Variants in SCN8A observed in about 807,000 individuals in gnomAD.
The protein encoded by SCN8A is sodium channel protein type 8 subunit alpha.
SCN8A carries 30 observed loss-of-function variants against 184.1 expected under a neutral mutation model. That is an observed-to-expected ratio of 0.16 (90% CI 0.12 to 0.22). The LOEUF (loss-of-function observed/expected upper bound fraction) is 0.22. Ranked by LOEUF, SCN8A falls within the 10% of genes least tolerant of loss-of-function variation. SCN8A has a pLI of 1.00. For synonymous variants in SCN8A, 852 were observed against 907.0 expected (o/e 0.94, Z 1.09); for missense variants, 1,057 against 2,498.9 (o/e 0.42, Z 12.30).
chr12:51,640,509 A>C (rs548874803), intron 1 of SCN8A, among the ~76,000 whole-genome samples: 2 of 152,058 alleles, frequency 1.3e-5, no homozygotes, highest in East Asian at 3.9e-4. Flanking sequence ...CCCAAGCAGC[A>C]ATAGGTAAGA....
At chr12:51,677,381 C>G (rs1941240394) in intron 2 of SCN8A, among the ~76,000 whole-genome samples, 3 of 151,988 alleles carry the variant, frequency 2.0e-5, no homozygotes, top group African/African-American at 4.8e-5. Context: ...CAGATGTGAG[C>G]CCATCCTGTT....
chr12:51,701,164 G>A lies in SCN8A; in HGVS notation c.949G>A (p.Gly317Ser), dbSNP rs776767367. 1.2e-6 allele frequency: 2 copies of A among 1,612,690 alleles called. No individual in the cohort carries two copies. The highest frequency in any genetic ancestry group is 1.7e-6 in the Non-Finnish European group (2 of 1,179,194). ...TCTAGCAAATTTCTACACAGTTCCT[G>A]GCATGCTGGAACCTTTACTCTGTGG... ...NNKTNFYTVP[G>S]MLEPLLCGNS... The change falls in exon 8 of 27, where the codon GGC (glycine) becomes AGC (serine). Residue 317 changes from glycine (G) to serine (S), a missense_variant. By Grantham distance (56) the Gly-to-Ser change is moderately conservative. This residue lies in a region of SCN8A where 26 missense variants were observed against 44.4 expected (regional missense o/e 0.59). Coordinates refer to ENST00000627620, the MANE Select transcript of SCN8A (RefSeq NM_001330260.2).
intron 1 of SCN8A, among the ~76,000 whole-genome samples, chr12:51,635,642 A>G (rs916223909): frequency 1.9e-4 from 29 of 152,190 alleles, no homozygotes; most frequent in African/African-American, 6.3e-4. Context: ...CTTAAGTGGA[A>G]AAGTGAAAAG....
rs303809 is a variant in SCN8A, at chr12:51,769,538, G to C, written c.3372+203G>C. On this transcript the variant is annotated intron_variant, in intron 17 of 26. Transcript: ENST00000627620. ...TCCTAAGATGATCCTGGACCCACCTGTGTCACTTCTGGATCATCTGGGTCA... is the reference window on the plus strand; with the variant it reads ...TCCTAAGATGATCCTGGACCCACCTCTGTCACTTCTGGATCATCTGGGTCA... 0.87 allele frequency among the ~76,000 whole-genome samples: 132,301 copies of C among 152,130 alleles called. 57,736 individuals are homozygous for C. Among genetic ancestry groups the C allele is most frequent in the East Asian group, 0.98 (5,048 of 5,166 alleles).
At chr12:51,675,149 G>A (rs773363963) in intron 2 of SCN8A, among the ~76,000 whole-genome samples, 4 of 152,174 alleles carry the variant, frequency 2.6e-5, no homozygotes, top group Admixed American at 6.5e-5. Flanking sequence ...AATTTATATC[G>A]AAGGACAACA....
intron 26 of SCN8A, among the ~76,000 whole-genome samples, chr12:51,795,097 A>T (rs572645960): frequency 6.6e-6 from 1 of 152,046 alleles, no homozygotes; most frequent in Admixed American, 6.5e-5. Flanking sequence ...GTTTACTGAG[A>T]TTTTACTGTG....
intron 7 of SCN8A, among the ~76,000 whole-genome samples, chr12:51,700,026 C>T (rs555572117): frequency 6.8e-4 from 103 of 152,026 alleles, no homozygotes; most frequent in African/African-American, 2.3e-3. Flanking sequence ...ATTAGCCAGG[C>T]GTGGTGGCAC....
intron 1 of SCN8A, among the ~76,000 whole-genome samples, chr12:51,607,526 G>A (rs1478421224): frequency 1.3e-5 from 2 of 152,100 alleles, no homozygotes; most frequent in African/African-American, 2.4e-5. Context: ...GAGGGAATGC[G>A]TTCAACTTTT....
intron 11 of SCN8A, among the ~76,000 whole-genome samples, chr12:51,709,600 A>G (rs189965639): frequency 1.3e-5 from 2 of 152,192 alleles, no homozygotes; most frequent in Admixed American, 6.5e-5. Flanking sequence ...CTTTAAAGAC[A>G]TGTTTTAGTC....
Position 51,807,205 on chromosome 12 carries a change from C to A in SCN8A, c.5719C>A (p.Arg1907=). ...VSAVVLQRAY[R]GHLARRGFIC... is the part of the protein sequence containing the mutation. The stretch of plus-strand genomic sequence containing the variant: ...TGCAGTGGTCCTGCAGCGTGCCTAC[C>A]GGGGACATTTGGCAAGGCGGGGCTT... Residue 1907 remains arginine (R), a synonymous_variant, in exon 27 of 27, where the codon CGG becomes AGG. Coordinates refer to ENST00000627620, the MANE Select transcript of SCN8A (RefSeq NM_001330260.2). The surrounding 1 kb of genome is among the most constrained non-coding windows in gnomAD (Gnocchi z 4.5). 6.2e-7 allele frequency: 1 copy of A among 1,613,858 alleles called. No homozygotes were observed. Among genetic ancestry groups the A allele is most frequent in the Non-Finnish European group, 8.5e-7 (1 of 1,179,880 alleles).
rs147771474 is a variant in SCN8A, at chr12:51,649,646, T to G, written c.-54-13118T>G. Among the ~76,000 whole-genome samples the G allele has an allele frequency of 3.9e-3, 599 of 152,286 alleles. 5 individuals are homozygous for G. Among genetic ancestry groups the G allele is most frequent in the African/African-American group, 0.014 (571 of 41,572 alleles). ...TACATTGGCCCCTCTCAGCCACAGA[T>G]GGAGCAGCTGGGACGCAGGGCACCA... is the stretch of plus-strand genomic sequence containing the variant. On this transcript the variant is annotated intron_variant, in intron 1 of 26. Transcript: ENST00000627620.
intron 12 of SCN8A, 111 bp downstream of exon 12, chr12:51,722,019 C>A (rs747574038): frequency 7.0e-6 from 11 of 1,569,500 alleles, no homozygotes; most frequent in Admixed American, 1.7e-5. Flanking sequence ...CCCTGCTCTG[C>A]CCATCCCACT....
intron 5 of SCN8A, 100 bp downstream of exon 5, chr12:51,687,319 GTA>G (rs1730821184): frequency 3.0e-6 from 4 of 1,352,196 alleles, no homozygotes; most frequent in Middle Eastern, 1.8e-4. Flanking sequence ...GGACACAGCT[GTA>G]TGAGGAATTA....
At chr12:51,739,859 G>A (rs549175514) in intron 12 of SCN8A, among the ~76,000 whole-genome samples, 1 of 152,222 alleles carries the variant, frequency 6.6e-6, no homozygotes, top group South Asian at 2.1e-4. Flanking sequence ...GGAAATCAGG[G>A]GTCTCACAGC....
chr12:51,740,812 T>C (rs972057513), intron 12 of SCN8A, among the ~76,000 whole-genome samples: 1 of 152,180 alleles, frequency 6.6e-6, no homozygotes, highest in Non-Finnish European at 1.5e-5. Flanking sequence ...TGAGACAAGG[T>C]CTTGCTCTGT....
In SCN8A at chr12:51,625,767, T is replaced by C. The variant is rs189997084; in HGVS notation, c.-55+34408T>C. On this transcript the variant is annotated intron_variant, in intron 1 of 26. Transcript: ENST00000627620. ...ACATAGCATTGAATTTGTTGAGTGG[T>C]AGAAGTTTTTAAAGGAGTTTGCTAT... is the stretch of plus-strand genomic sequence containing the variant. Among the ~76,000 whole-genome samples the C allele has an allele frequency of 4.6e-5, 7 of 152,286 alleles. No homozygotes were observed. The East Asian group carries it at 1.3e-3, about 29-fold the overall frequency.
intron 15 of SCN8A, among the ~76,000 whole-genome samples, chr12:51,765,308 A>G (rs1309313955): frequency 6.6e-6 from 1 of 152,084 alleles, no homozygotes; most frequent in Non-Finnish European, 1.5e-5. Flanking sequence ...GTTTCCTACA[A>G]ATCACATTTT....
In SCN8A at chr12:51,781,906, C is replaced by T. The variant is rs550773375; in HGVS notation, c.3942+1135C>T. On this transcript the variant is annotated intron_variant, in intron 21 of 26. Coordinates refer to ENST00000627620, the MANE Select transcript of SCN8A (RefSeq NM_001330260.2). ...TACGATAGTCTACGTGAAGCAAGAC[C>T]GATTGGAAAAACTAGATACCAGGAC... Among the ~76,000 whole-genome samples, 15 of 152,248 alleles carry T rather than the reference C, an allele frequency of 9.9e-5. No homozygotes were observed. In the South Asian group the frequency reaches 1.5e-3, roughly 15 times the overall value.
At position 51,807,294 on chromosome 12, in the gene SCN8A, G is replaced by A. The variant is rs1938733429; in HGVS notation, c.5808G>A (p.Glu1936=). 4 of 1,613,938 alleles carry A rather than the reference G, an allele frequency of 2.5e-6. No individual in the cohort carries two copies. In the East Asian group the frequency reaches 8.9e-5, roughly 36 times the overall value. Residue 1936 remains glutamate, a synonymous_variant, in exon 27 of 27, where the codon GAG becomes GAA. Transcript: ENST00000627620. The surrounding 1 kb of genome is among the most constrained non-coding windows in gnomAD (Gnocchi z 4.5). Reference sequence around the variant, plus strand: ...GAGGCACACACCGGGAGAAAAAAGAGAGCACCCCATCTACAGCCTCCCTCC... The same window carrying A: ...GAGGCACACACCGGGAGAAAAAAGAAAGCACCCCATCTACAGCCTCCCTCC... ...ENGGTHREKK[E]STPSTASLPS... is the part of the protein sequence containing the mutation.
Sources: allele counts gnomAD v4.1 joint callset (sites outside exome capture counted in the v4.1 genomes callset), GRCh38; gene constraint gnomAD v4.1.1; regional missense constraint gnomAD v4.1.1; non-coding constraint Gnocchi (gnomAD v3.1); transcripts MANE v1.5; gene names NCBI Gene and HGNC (gene_info 2026-07-23, HGNC 2026-07-21).